The following STK3 variants were observed in gnomAD, a reference collection of about 807,000 sequenced individuals.
STK3 encodes serine/threonine kinase 3.
A neutral mutation model predicts 58.0 loss-of-function variants in STK3; 41 were observed. That is an observed-to-expected ratio of 0.71 (90% CI 0.55 to 0.92). The LOEUF (loss-of-function observed/expected upper bound fraction) is 0.92. Ranked by LOEUF, STK3 falls within the 40% of genes least tolerant of loss-of-function variation. STK3 has a pLI of 0.00. For missense variants in STK3, 479 were observed against 602.7 expected, an observed-to-expected ratio of 0.79 and a Z score of 2.15; for synonymous variants, 170 against 191.0, an observed-to-expected ratio of 0.89 and a Z score of 0.91.
At chr8:98,470,505 C>T (rs1820838975) in intron 10 of STK3, among the ~76,000 whole-genome samples, 1 of 152,206 alleles carries the variant, frequency 6.6e-6, no homozygotes, top group Admixed American at 6.5e-5. Flanking sequence ...TTTAAGTAGG[C>T]CACCCTCACT....
intron 1 of STK3, among the ~76,000 whole-genome samples, chr8:98,808,486 A>G (rs957957859): frequency 2.7e-4 from 41 of 152,236 alleles, no homozygotes; most frequent in African/African-American, 9.6e-4. Context: ...TTTTGAAGAG[A>G]CTCAGGAAAA....
intron 8 of STK3, among the ~76,000 whole-genome samples, chr8:98,574,745 A>G (rs1813254621): frequency 6.6e-6 from 1 of 152,186 alleles, no homozygotes; most frequent in South Asian, 2.1e-4. Context: ...AAAACTATCT[A>G]GCTCAACACA....
At chr8:98,756,732 G>A (rs192099379) in intron 3 of STK3, among the ~76,000 whole-genome samples, 1 of 152,308 alleles carries the variant, frequency 6.6e-6, no homozygotes, top group Admixed American at 6.5e-5. Flanking sequence ...GCCCCTCTCA[G>A]GGTAAGCTAA....
At chr8:98,521,750 C>G (rs1188977219) in intron 10 of STK3, among the ~76,000 whole-genome samples, 1 of 152,108 alleles carries the variant, frequency 6.6e-6, no homozygotes, top group Non-Finnish European at 1.5e-5. Flanking sequence ...ACAGATTATG[C>G]TTTCCTACTG....
At position 98,401,997 on chromosome 8, in the gene STK3, T is replaced by C. The variant is rs960044102; in HGVS notation, n.484-484A>G. ...ATTACCCCCAAATCCCACTACACGG[T>C]GATAACCACTATTAATGTTTGGTAA... is the stretch of plus-strand genomic sequence containing the variant. On this transcript the variant is annotated intron_variant and non_coding_transcript_variant, in intron 3 of 3. Transcript: ENST00000517832. Among the ~76,000 whole-genome samples the C allele has an allele frequency of 2.8e-4, 43 of 152,290 alleles. 1 individual carries two copies. The highest frequency in any genetic ancestry group is 9.4e-4 in the African/African-American group (39 of 41,558).
At chr8:98,721,071 CA>C in intron 4 of STK3, 1 of 984,226 alleles carries the variant, frequency 1.0e-6, no homozygotes, top group Non-Finnish European at 1.2e-6. Flanking sequence ...TAAGCACACT[CA>C]CCTGGCCAAT....
At chr8:98,492,447 A>G (rs1414380541) in intron 10 of STK3, among the ~76,000 whole-genome samples, 1 of 152,214 alleles carries the variant, frequency 6.6e-6, no homozygotes, top group Non-Finnish European at 1.5e-5. Context: ...GGGAGAACTA[A>G]GTTAATCTAG....
intron 10 of STK3, among the ~76,000 whole-genome samples, chr8:98,473,598 A>C (rs1301781228): frequency 6.6e-6 from 1 of 152,072 alleles, no homozygotes; most frequent in Non-Finnish European, 1.5e-5. Context: ...CTGATCCCCT[A>C]ATGCTCTCCA....
intron 6 of STK3, chr8:98,597,330 C>A: frequency 2.0e-6 from 2 of 985,330 alleles, no homozygotes; most frequent in Non-Finnish European, 2.4e-6. Flanking sequence ...GGTTAAGAGT[C>A]AATCTTTTTA....
chr8:98,378,733 G>A (rs1817701750), intron 2 of STK3, among the ~76,000 whole-genome samples: 1 of 152,174 alleles, frequency 6.6e-6, no homozygotes, highest in South Asian at 2.1e-4. Context: ...TTCTCTGGCT[G>A]CTTTCATATT....
intron 3 of STK3, among the ~76,000 whole-genome samples, chr8:98,846,329 A>G (rs991457761): frequency 6.6e-6 from 1 of 152,236 alleles, no homozygotes; most frequent in African/African-American, 2.4e-5. Context: ...TGGGAAGGCC[A>G]AGGAATAGAG....
intron 6 of STK3, among the ~76,000 whole-genome samples, chr8:98,624,861 G>GA (rs200197045): frequency 0.031 from 4,510 of 144,944 alleles, 96 homozygotes; most frequent in South Asian, 0.063. Context: ...TCTCAAAAAA[G>GA]AAAAAAAAAA....
chr8:98,647,441 T>A (rs1820484905), intron 6 of STK3, among the ~76,000 whole-genome samples: 1 of 152,216 alleles, frequency 6.6e-6, no homozygotes, highest in Admixed American at 6.5e-5. Context: ...CTCTGATATA[T>A]CCCAAATGCC....
chr8:98,848,083 C>T (rs1255509884), intron 3 of STK3, among the ~76,000 whole-genome samples: 4 of 152,196 alleles, frequency 2.6e-5, no homozygotes, highest in Admixed American at 1.3e-4. Flanking sequence ...GCACAATTCA[C>T]TCATTTAAAG....
chr8:98,909,129 C>T (rs182240356), intron 1 of STK3, among the ~76,000 whole-genome samples: 3 of 152,200 alleles, frequency 2.0e-5, no homozygotes, highest in Non-Finnish European at 4.4e-5. Flanking sequence ...CCACTGCACT[C>T]TAGCCTGGGC....
intron 3 of STK3, among the ~76,000 whole-genome samples, chr8:98,840,390 G>A (rs1587733517): frequency 6.9e-6 from 1 of 145,422 alleles, no homozygotes; most frequent in African/African-American, 2.5e-5. Context: ...TCGGCAACAT[G>A]GTGAAACCCT....
At chr8:98,650,012 C>T (rs1820753287) in intron 6 of STK3, among the ~76,000 whole-genome samples, 1 of 151,920 alleles carries the variant, frequency 6.6e-6, no homozygotes, top group Non-Finnish European at 1.5e-5. Flanking sequence ...TTACTTTTTC[C>T]AATTTTTCTT....
downstream of STK3, chr8:98,883,604 G>C (rs892177339): frequency 1.4e-6 from 1 of 697,306 alleles, no homozygotes; most frequent in Non-Finnish European, 2.6e-6. Context: ...CACCAAAACT[G>C]CTGCCTGGTC....
At chr8:98,878,523 C>T (rs1228193394) in intron 3 of STK3, among the ~76,000 whole-genome samples, 3 of 152,138 alleles carry the variant, frequency 2.0e-5, no homozygotes, top group African/African-American at 7.2e-5. Context: ...TCTGTCATAA[C>T]CATTTTTCCC....
Sources: gnomAD v4.1 joint callset for allele counts (sites outside exome capture counted in the v4.1 genomes callset) on GRCh38, gnomAD v4.1.1 for gene constraint, MANE v1.5 for transcripts, NCBI Gene and HGNC (gene_info 2026-07-23, HGNC 2026-07-21) for gene names.